Variants in SH3KBP1 observed in about 807,000 individuals in gnomAD.
The protein encoded by SH3KBP1 is SH3 domain-containing kinase-binding protein 1.
SH3KBP1 carries 8 observed loss-of-function variants against 50.1 expected under a neutral mutation model. The ratio of observed to expected loss-of-function variants is 0.16; its 90% CI spans 0.09 to 0.29. The LOEUF (loss-of-function observed/expected upper bound fraction) is 0.29. Ranked by LOEUF, SH3KBP1 falls within the 10% of genes least tolerant of loss-of-function variation. The probability of loss-of-function intolerance (pLI) is 1.00; values close to 1 mark genes in which losing one functional copy is unlikely to be tolerated. For synonymous variants in SH3KBP1, 227 were observed against 218.6 expected (o/e 1.04, Z -0.34); for missense variants, 377 against 535.2 (o/e 0.70, Z 2.92).
intron 5 of SH3KBP1, among the ~76,000 whole-genome samples, chrX:19,685,659 C>A (rs1443446005): frequency 8.9e-6 from 1 of 111,739 alleles, no homozygotes; most frequent in Non-Finnish European, 1.9e-5. Context: ...TTGCAAATAT[C>A]CCTGCTGGAG....
At chrX:19,812,890 G>A (rs1015513608) in intron 2 of SH3KBP1, among the ~76,000 whole-genome samples, 4 of 110,461 alleles carry the variant, frequency 3.6e-5, no homozygotes, top group South Asian at 3.8e-4. Context: ...AAGGAGAATC[G>A]CTTGAGCCCG....
intron 13 of SH3KBP1, among the ~76,000 whole-genome samples, chrX:19,564,576 C>G (rs10127048): frequency 2.8e-4 from 30 of 108,842 alleles, no homozygotes; most frequent in Non-Finnish European, 4.2e-4. Flanking sequence ...CTCTCCCCCC[C>G]CTTCCTCTTT....
At chrX:19,627,713 A>G (rs985540513) in intron 8 of SH3KBP1, among the ~76,000 whole-genome samples, 8 of 112,305 alleles carry the variant, frequency 7.1e-5, no homozygotes, top group African/African-American at 2.6e-4. Flanking sequence ...CTCATTTTCT[A>G]GAAAGCCACA....
intron 8 of SH3KBP1, among the ~76,000 whole-genome samples, chrX:19,613,179 T>C (rs2067484205): frequency 8.9e-6 from 1 of 112,278 alleles, no homozygotes; most frequent in Admixed American, 9.4e-5. Flanking sequence ...GGTGAGGCAG[T>C]AGCTGACCAC....
intron 2 of SH3KBP1, among the ~76,000 whole-genome samples, chrX:19,800,534 T>G (rs187355033): frequency 4.9e-4 from 55 of 112,379 alleles, no homozygotes; most frequent in South Asian, 7.3e-4. Flanking sequence ...TTTAGATATT[T>G]CTATCCTAAA....
At chrX:19,592,270 G>A (rs780957278) in intron 10 of SH3KBP1, 123 bp from the exon 11 acceptor site, 21 of 556,935 alleles carry the variant, frequency 3.8e-5, no homozygotes, top group Non-Finnish European at 5.6e-5. Context: ...TGAGTTGGGC[G>A]TTAGCATTAT....
intron 7 of SH3KBP1, among the ~76,000 whole-genome samples, chrX:19,638,936 A>C (rs1202857324): frequency 8.9e-6 from 1 of 112,163 alleles, no homozygotes; most frequent in Non-Finnish European, 1.9e-5. Flanking sequence ...AGGGCTTCCC[A>C]GGAAATACTG....
chrX:19,802,056 C>T (rs1035034089), intron 2 of SH3KBP1, among the ~76,000 whole-genome samples: 8 of 107,600 alleles, frequency 7.4e-5, no homozygotes, highest in African/African-American at 2.1e-4. Context: ...CCAGCCTGAG[C>T]GACAGAGCAA....
chrX:19,779,512 G>A (rs1316050071), intron 2 of SH3KBP1, among the ~76,000 whole-genome samples: 2 of 101,887 alleles, frequency 2.0e-5, no homozygotes, highest in African/African-American at 7.1e-5. Flanking sequence ...GTGCCATGCT[G>A]GTGCGCTGCA....
intron 2 of SH3KBP1, among the ~76,000 whole-genome samples, chrX:19,820,314 G>T (rs2067488954): frequency 8.9e-6 from 1 of 111,860 alleles, no homozygotes; most frequent in African/African-American, 3.2e-5. Flanking sequence ...ATGCTAAGTT[G>T]CCAACTATAA....
At position 19,600,095 on chromosome X, in the gene SH3KBP1, CAAAAAAA is replaced by C. The variant is rs1218369399; in HGVS notation, c.1006-5102_1006-5096del. 2.6e-4 allele frequency among the ~76,000 whole-genome samples: 7 copies of C among 27,398 alleles called. No homozygotes were observed. The East Asian group carries it at 4.6e-3, about 18-fold the overall frequency. 23.8% of individuals were successfully genotyped at this position (27,398 alleles called of 115,157 possible). ...GCTTGCAGTGGGCGAGACTCCGTCTCAAAAAAAAAAAAAAAAAAAAAAAAATGCAACA... is the reference window on the plus strand; with the variant it reads ...GCTTGCAGTGGGCGAGACTCCGTCTCAAAAAAAAAAAAAAAAAATGCAACA... On this transcript the variant is annotated intron_variant, in intron 9 of 17. Coordinates refer to ENST00000397821, the MANE Select transcript of SH3KBP1 (RefSeq NM_031892.3).
At chrX:19,569,249 A>G in intron 12 of SH3KBP1, 61 bp from the exon 13 acceptor site, 1 of 1,012,536 alleles carries the variant, frequency 9.9e-7, no homozygotes, top group Non-Finnish European at 1.4e-6. Flanking sequence ...TCATTCTGTC[A>G]GTTTTCTTGC....
intron 2 of SH3KBP1, among the ~76,000 whole-genome samples, chrX:19,760,886 A>G (rs983273527): frequency 3.7e-5 from 4 of 109,569 alleles, no homozygotes; most frequent in Non-Finnish European, 7.6e-5. Flanking sequence ...ACTTTTTAGT[A>G]TGCAACTCCT....
intron 1 of SH3KBP1, among the ~76,000 whole-genome samples, chrX:19,879,996 G>A (rs2069383911): frequency 8.9e-6 from 1 of 112,186 alleles, no homozygotes; most frequent in Non-Finnish European, 1.9e-5. Flanking sequence ...CCTCCACCTA[G>A]TAGATGCCAG....
chrX:19,567,583 C>T (rs1157703561), intron 13 of SH3KBP1, among the ~76,000 whole-genome samples: 2 of 57,006 alleles, frequency 3.5e-5, no homozygotes, highest in African/African-American at 7.9e-5. Context: ...TTGCATAGAG[C>T]GAAATACACA....
At chrX:19,585,097 A>G (rs1299798024) in intron 12 of SH3KBP1, among the ~76,000 whole-genome samples, 2 of 112,550 alleles carry the variant, frequency 1.8e-5, no homozygotes, top group Admixed American at 9.4e-5. Context: ...GCAAAAAAAT[A>G]TAAAGTGCAT....
intron 2 of SH3KBP1, among the ~76,000 whole-genome samples, chrX:19,771,161 C>T (rs924014438): frequency 8.0e-5 from 9 of 112,283 alleles, no homozygotes; most frequent in African/African-American, 2.6e-4. Context: ...AAAACAACAA[C>T]ACCGCTCATA....
chrX:19,819,924 A>G (rs1179299646), intron 2 of SH3KBP1, among the ~76,000 whole-genome samples: 1 of 111,202 alleles, frequency 9.0e-6, no homozygotes, highest in Non-Finnish European at 1.9e-5. Flanking sequence ...ATTTTCATTC[A>G]GTTCTATGTG....
intron 2 of SH3KBP1, among the ~76,000 whole-genome samples, chrX:19,766,771 A>T (rs1361768242): frequency 9.1e-6 from 1 of 110,377 alleles, no homozygotes; most frequent in Non-Finnish European, 1.9e-5. Context: ...GATTACAGGC[A>T]TGAGCCACCA....
Sources: allele counts gnomAD v4.1 joint callset (sites outside exome capture counted in the v4.1 genomes callset), GRCh38; gene constraint gnomAD v4.1.1; transcripts MANE v1.5; gene names NCBI Gene and HGNC (gene_info 2026-07-23, HGNC 2026-07-21).